RPS6KC1: variants seen among roughly 807,000 people sequenced by gnomAD.
RPS6KC1 encodes inactive ribosomal protein S6 kinase delta-1.
In RPS6KC1, 54 loss-of-function variants were observed where a neutral mutation model predicts 103.8. That is an observed-to-expected ratio of 0.52 (90% CI 0.42 to 0.65). The LOEUF is 0.65. Ranked by LOEUF, RPS6KC1 falls within the 30% of genes least tolerant of loss-of-function variation. RPS6KC1 has a pLI of 0.00. For missense variants in RPS6KC1, 1,151 were observed against 1,253.8 expected, an observed-to-expected ratio of 0.92 and a Z score of 1.24; for synonymous variants, 439 against 438.7, an observed-to-expected ratio of 1.00 and a Z score of -0.01.
rs1258981309 is a variant in RPS6KC1, at chr1:213,241,857, G to A, written c.2381G>A (p.Ser794Asn). 1.2e-6 allele frequency: 2 copies of A among 1,613,880 alleles called. No individual in the cohort carries two copies. The highest frequency in any genetic ancestry group is 8.5e-7 in the Non-Finnish European group (1 of 1,179,950). Residue 794 changes from serine (S) to asparagine (N), a missense_variant, in exon 11 of 15, where the codon AGC becomes AAC. Physicochemically the swap from Ser to Asn is conservative, Grantham distance 46. Around this residue, in one of 3 missense-constraint regions of RPS6KC1, gnomAD observed 959 missense variants for 1,006.3 expected, o/e 0.95. Transcript: ENST00000366960. Reference protein sequence around the residue: ...SSSGDMSLLPSSDPKFQGLGV... With the variant: ...SSSGDMSLLPNSDPKFQGLGV... ...TCAGGAGATATGTCTTTGTTACCCA[G>A]CTCAGATCCTAAGTTTCAAGGACTT... is the stretch of plus-strand genomic sequence containing the variant.
chr1:213,172,353 G>A (rs922276081), intron 7 of RPS6KC1, among the ~76,000 whole-genome samples: 25 of 152,180 alleles, frequency 1.6e-4, no homozygotes, highest in Non-Finnish European at 2.6e-4. Flanking sequence ...CAGCACTTTG[G>A]AAGGCTGAGG....
At chr1:213,586,441 G>A in the RPS6KC1 span, among the ~76,000 whole-genome samples, 4 of 152,318 alleles carry the variant, frequency 2.6e-5, no homozygotes, top group Non-Finnish European at 5.9e-5. Flanking sequence ...ATGAACTCTT[G>A]CTGTATCTAA....
intron 8 of RPS6KC1, among the ~76,000 whole-genome samples, chr1:213,178,290 A>G (rs2148325565): frequency 6.6e-6 from 1 of 152,082 alleles, no homozygotes; most frequent in Non-Finnish European, 1.5e-5. Flanking sequence ...CTGTAATCTC[A>G]GCACTCTGGG....
the RPS6KC1 span, among the ~76,000 whole-genome samples, chr1:213,343,459 C>T: frequency 8.8e-6 from 1 of 113,830 alleles, no homozygotes; most frequent in African/African-American, 3.3e-5. Context: ...TGGAATACTA[C>T]TCAACCATAA....
At chr1:213,721,709 C>T in the RPS6KC1 span, among the ~76,000 whole-genome samples, 1 of 152,188 alleles carries the variant, frequency 6.6e-6, no homozygotes, top group African/African-American at 2.4e-5. Context: ...TCTCTGCCTG[C>T]CTTCTATCCT....
the RPS6KC1 span, among the ~76,000 whole-genome samples, chr1:213,588,797 T>G: frequency 6.6e-6 from 1 of 152,080 alleles, no homozygotes; most frequent in Non-Finnish European, 1.5e-5. Flanking sequence ...CTGCAGGAGG[T>G]GCATTAGCCT....
At chr1:213,848,801 C>G in the RPS6KC1 span, among the ~76,000 whole-genome samples, 2 of 151,980 alleles carry the variant, frequency 1.3e-5, no homozygotes, top group Admixed American at 1.3e-4. Context: ...TCTAACCCAT[C>G]TATGATTTAT....
intron 8 of RPS6KC1, among the ~76,000 whole-genome samples, chr1:213,219,249 C>A (rs1210910148): frequency 2.0e-5 from 3 of 152,272 alleles, no homozygotes; most frequent in African/African-American, 4.8e-5. Flanking sequence ...CCAACAGACA[C>A]ATGAAAAAAT....
chr1:213,740,946 C>T, the RPS6KC1 span, among the ~76,000 whole-genome samples: 3,067 of 55,360 alleles, frequency 0.055, 237 homozygotes, highest in East Asian at 0.13. Context: ...CACATATATA[C>T]ATCTCAGATA....
intron 10 of RPS6KC1, among the ~76,000 whole-genome samples, chr1:213,236,641 G>A (rs1360857218): frequency 6.6e-6 from 1 of 151,948 alleles, no homozygotes; most frequent in Non-Finnish European, 1.5e-5. Flanking sequence ...CTAAGATTAG[G>A]GATTATATAA....
the RPS6KC1 span, among the ~76,000 whole-genome samples, chr1:213,468,542 T>G: frequency 1.3e-5 from 2 of 152,162 alleles, no homozygotes; most frequent in African/African-American, 4.8e-5. Context: ...TCTATAGGTT[T>G]CCTGAAATAG....
the RPS6KC1 span, among the ~76,000 whole-genome samples, chr1:213,637,233 A>G: frequency 6.6e-6 from 1 of 152,270 alleles, no homozygotes; most frequent in Admixed American, 6.5e-5. Context: ...AACTAGAAAT[A>G]CCATTTGACC....
the RPS6KC1 span, among the ~76,000 whole-genome samples, chr1:213,773,019 C>T: frequency 6.6e-6 from 1 of 152,168 alleles, no homozygotes; most frequent in Non-Finnish European, 1.5e-5. Context: ...TCAACGTCCC[C>T]TCTAAAGACC....
chr1:213,618,743 C>A, the RPS6KC1 span, among the ~76,000 whole-genome samples: 1 of 152,168 alleles, frequency 6.6e-6, no homozygotes, highest in East Asian at 1.9e-4. Context: ...AGAGGAAGTT[C>A]TTCAAGGTTA....
chr1:213,646,882 C>CATATATATATATAT, the RPS6KC1 span, among the ~76,000 whole-genome samples: 17 of 147,144 alleles, frequency 1.2e-4, no homozygotes, highest in African/African-American at 2.3e-4. Context: ...TGTGTGTATG[C>CATATATATATATAT]ATATATATAT....
At chr1:213,351,494 C>T in the RPS6KC1 span, among the ~76,000 whole-genome samples, 2 of 152,282 alleles carry the variant, frequency 1.3e-5, no homozygotes, top group East Asian at 3.9e-4. Context: ...AAAGTGGCAA[C>T]TGGCTAAAAA....
chr1:213,715,469 C>T, the RPS6KC1 span, among the ~76,000 whole-genome samples: 1 of 152,092 alleles, frequency 6.6e-6, no homozygotes, highest in Non-Finnish European at 1.5e-5. Flanking sequence ...CTGATGTGTC[C>T]AAATGCATAG....
intron 3 of RPS6KC1, among the ~76,000 whole-genome samples, chr1:213,100,872 C>T (rs1026841425): frequency 4.0e-5 from 6 of 151,748 alleles, no homozygotes; most frequent in Admixed American, 1.3e-4. Context: ...TCTTTACTAT[C>T]GTGAATAGCA....
At chr1:213,664,909 T>C in the RPS6KC1 span, among the ~76,000 whole-genome samples, 7 of 152,206 alleles carry the variant, frequency 4.6e-5, no homozygotes, top group Non-Finnish European at 8.8e-5. Flanking sequence ...AGAGCATATA[T>C]ATATGAAAAG....
Sources: allele counts gnomAD v4.1 joint callset (sites outside exome capture counted in the v4.1 genomes callset), GRCh38; gene constraint gnomAD v4.1.1; regional missense constraint gnomAD v4.1.1; transcripts MANE v1.5; gene names NCBI Gene and HGNC (gene_info 2026-07-23, HGNC 2026-07-21).